CSF2RA: variants seen among roughly 807,000 people sequenced by gnomAD.
The protein encoded by CSF2RA is granulocyte-macrophage colony-stimulating factor receptor subunit alpha.
CSF2RA carries 42 observed loss-of-function variants against 51.6 expected under a neutral mutation model. The observed-to-expected ratio is 0.81, with a 90% CI of 0.64 to 1.05. The LOEUF is 1.05. Among genes scored for constraint, CSF2RA ranks in the 50% least tolerant of loss-of-function variants. The probability of loss-of-function intolerance (pLI) is 0.00; values close to 1 mark genes in which losing one functional copy is unlikely to be tolerated. For synonymous variants in CSF2RA, 222 were observed against 193.0 expected, an observed-to-expected ratio of 1.15 and a Z score of -1.24; for missense variants, 530 against 501.1, an observed-to-expected ratio of 1.06 and a Z score of -0.55.
intron 1 of CSF2RA, 76 bp from the exon 2 acceptor site, chrX:1,274,679 G>A (rs1294584257): frequency 4.5e-6 from 2 of 448,746 alleles, no homozygotes; most frequent in Admixed American, 4.8e-5. Flanking sequence ...TAAAATGCGA[G>A]GCAGGTTTGC....
chrX:1,314,260 C>CCACACAGCATCTG (rs1569514697), downstream of CSF2RA, among the ~76,000 whole-genome samples: 19,766 of 50,944 alleles, frequency 0.39, 6,630 homozygotes, highest in East Asian at 0.54. Context: ...ACCTGCCCAA[C>CCACACAGCATCTG]CCCACTGCGC....
At chrX:1,311,205 C>T (rs1221863092), downstream of CSF2RA, among the ~76,000 whole-genome samples, 7 of 150,830 alleles carry the variant, frequency 4.6e-5, no homozygotes, top group Admixed American at 4.0e-4. Context: ...GCCAAGATCA[C>T]GCCATTGCAC....
At chrX:1,293,280 G>C (rs766951131) in intron 7 of CSF2RA, among the ~76,000 whole-genome samples, 1 of 152,032 alleles carries the variant, frequency 6.6e-6, no homozygotes, top group East Asian at 1.9e-4. Context: ...GGGCAGTGGC[G>C]GGATCTCGGC....
downstream of CSF2RA, among the ~76,000 whole-genome samples, chrX:1,312,584 G>C (rs768882472): frequency 6.6e-6 from 1 of 152,068 alleles, no homozygotes; most frequent in Non-Finnish European, 1.5e-5. Flanking sequence ...CCATATTTAC[G>C]GGACATTATT....
chrX:1,315,622 C>T, the CSF2RA span, among the ~76,000 whole-genome samples: 1 of 152,108 alleles, frequency 6.6e-6, no homozygotes, highest in Non-Finnish European at 1.5e-5. Flanking sequence ...CCAGGCTGGT[C>T]TCGAACTCCT....
rs191843818 is a variant in CSF2RA, at chrX:1,285,928, G to A, written c.219+8G>A. On this transcript the variant is annotated splice_region_variant and intron_variant, in intron 4 of 12. Coordinates refer to ENST00000381529, the MANE Select transcript of CSF2RA (RefSeq NM_172245.4). Reference sequence around the variant, plus strand: ...AGAGTCGTGGAACCCAGGGTGAGACGAATTTCCCATTCTCAACCCCTGTCC... The same window carrying A: ...AGAGTCGTGGAACCCAGGGTGAGACAAATTTCCCATTCTCAACCCCTGTCC... 10 of 1,613,632 alleles carry A rather than the reference G, an allele frequency of 6.2e-6. No individual in the cohort carries two copies. Among genetic ancestry groups the A allele is most frequent in the South Asian group, 2.2e-5 (2 of 91,074 alleles).
chrX:1,280,913 C>CCTCCTCCTCCTCCTGCTT (rs2089872701), intron 2 of CSF2RA, among the ~76,000 whole-genome samples: 1 of 123,602 alleles, frequency 8.1e-6, no homozygotes, highest in Non-Finnish European at 1.7e-5. Flanking sequence ...TGCTCCTTCT[C>CCTCCTCCTCCTCCTGCTT]CTCCTCCTCC....
intron 10 of CSF2RA, among the ~76,000 whole-genome samples, chrX:1,300,870 A>G (rs1221553991): frequency 6.6e-6 from 1 of 152,028 alleles, no homozygotes; most frequent in Non-Finnish European, 1.5e-5. Context: ...TAACCAGAGA[A>G]GGGCCAGGTG....
intron 4 of CSF2RA, among the ~76,000 whole-genome samples, chrX:1,286,753 C>A (rs1392670306): frequency 2.0e-5 from 3 of 152,072 alleles, no homozygotes; most frequent in Non-Finnish European, 2.9e-5. Context: ...GCCTATGTTA[C>A]CGTATTTTAC....
rs144555820 is a variant in CSF2RA at position 1,305,463 on chromosome X, G to A, written c.1061G>A (p.Arg354Gln). The change falls in exon 12 of 13, where the codon CGG (arginine) becomes CAG (glutamine). Residue 354 changes from arginine to glutamine, a missense_variant. Physicochemically the swap from Arg to Gln is conservative, Grantham distance 43. Transcript: ENST00000381529. ...TGTCTCAGGTTCCTTAGGATACAGC[G>A]GCTGTTCCCGCCAGTTCCACAGATC... ...FLFKRFLRIQ[R>Q]LFPPVPQIKD... The A allele has an allele frequency of 1.1e-4, 179 of 1,613,810 alleles. No individual in the cohort carries two copies. Among genetic ancestry groups the A allele is most frequent in the Non-Finnish European group, 1.4e-4 (165 of 1,179,860 alleles).
intron 1 of CSF2RA, among the ~76,000 whole-genome samples, chrX:1,271,482 G>A (rs1464574294): frequency 6.6e-6 from 1 of 151,640 alleles, no homozygotes; most frequent in Admixed American, 6.6e-5. Context: ...TAGGATTACA[G>A]GCACGTGCCA....
intron 11 of CSF2RA, 64 bp downstream of exon 11, chrX:1,304,083 G>A: frequency 7.5e-7 from 1 of 1,338,226 alleles, no homozygotes; most frequent in African/African-American, 1.5e-5. Flanking sequence ...AAAGCGCTTT[G>A]TCCAGTCTCT....
chrX:1,292,712 C>G (rs1400302138), intron 7 of CSF2RA, among the ~76,000 whole-genome samples: 1 of 152,174 alleles, frequency 6.6e-6, no homozygotes, highest in African/African-American at 2.4e-5. Context: ...GCGGTTTTCT[C>G]CTGTCTCAGA....
At chrX:1,322,959 C>G in the CSF2RA span, among the ~76,000 whole-genome samples, 1 of 150,870 alleles carries the variant, frequency 6.6e-6, no homozygotes, top group African/African-American at 2.5e-5. Context: ...GAAACCTCAT[C>G]TCTACTAAAA....
Position 1,282,683 on chromosome X carries a change from C to T in CSF2RA, c.-21C>T. ...TGATATTTTCTCTCCTGCAGCTCTT[C>T]CCTTCTCTCTGACCAGCACCATGCT... On this transcript the variant is annotated 5_prime_UTR_variant, in exon 3 of 13. Coordinates refer to ENST00000381529, the MANE Select transcript of CSF2RA (RefSeq NM_172245.4). 1.2e-6 allele frequency: 2 copies of T among 1,605,808 alleles called. No individual in the cohort carries two copies. Among genetic ancestry groups the T allele is most frequent in the Admixed American group, 3.3e-5 (2 of 59,968 alleles).
Position 1,305,450 on chromosome X carries a change from C to T in CSF2RA, c.1048C>T (p.Leu350Phe), listed in dbSNP as rs2083459929. Residue 350 changes from leucine (L) to phenylalanine (F), a missense_variant, in exon 12 of 13, where the codon CTT (leucine) becomes TTT (phenylalanine). By Grantham distance (22) the Leu-to-Phe change is conservative. Transcript: ENST00000381529. The part of the protein sequence containing the change: ...IVLGFLFKRF[L>F]RIQRLFPPVP... ...CACTTTTTCTCTGTGTCTCAGGTTC[C>T]TTAGGATACAGCGGCTGTTCCCGCC... 1 of 1,613,840 alleles carries T rather than the reference C, an allele frequency of 6.2e-7. No individual in the cohort carries two copies. Among genetic ancestry groups the T allele is most frequent in the Admixed American group, 1.7e-5 (1 of 59,974 alleles).
At chrX:1,281,024 T>TCTCCTCCTCCTCCTC (rs1459188159) in intron 2 of CSF2RA, among the ~76,000 whole-genome samples, 2 of 45,564 alleles carry the variant, frequency 4.4e-5, no homozygotes, top group African/African-American at 6.8e-5. Flanking sequence ...TCCTCCTCCT[T>TCTCCTCCTCCTCCTC]CTCCTCCTCC....
chrX:1,303,894 C>G (rs187628586), intron 10 of CSF2RA, 29 bp from the exon 11 acceptor site: 1 of 1,563,906 alleles, frequency 6.4e-7, no homozygotes, highest in East Asian at 2.2e-5. Flanking sequence ...AACGATTCAC[C>G]GCAGACGCAA....
At chrX:1,314,411 A>ATC (rs1233330235), downstream of CSF2RA, among the ~76,000 whole-genome samples, 3 of 148,344 alleles carry the variant, frequency 2.0e-5, no homozygotes, top group African/African-American at 7.5e-5. Flanking sequence ...CACCTGCCTA[A>ATC]CCGTACTGCA....
Sources: gnomAD v4.1 joint callset for allele counts (sites outside exome capture counted in the v4.1 genomes callset) on GRCh38, gnomAD v4.1.1 for gene constraint, MANE v1.5 for transcripts, NCBI Gene and HGNC (gene_info 2026-07-23, HGNC 2026-07-21) for gene names.